The following ACE variants were observed in gnomAD, a reference collection of about 807,000 sequenced individuals.
ACE encodes angiotensin-converting enzyme.
A neutral mutation model predicts 162.3 loss-of-function variants in ACE; 122 were observed. The ratio of observed to expected loss-of-function variants is 0.75; its 90% CI spans 0.65 to 0.87. The LOEUF is 0.87. ACE is among the 40% of genes least tolerant of loss of function. The probability of loss-of-function intolerance (pLI) is 0.00; values close to 1 mark genes in which losing one functional copy is unlikely to be tolerated. For synonymous variants in ACE, 796 were observed against 720.6 expected (o/e 1.10, Z -1.68); for missense variants, 1,799 against 1,735.1 (o/e 1.04, Z -0.65).
Position 63,483,567 on chromosome 17 carries a change from G to GCGGGGGGGGCCCCCC in ACE, c.1586+10_1586+11insGGGGGGGGCCCCCCC. ...GTGACACCATACATCAGGTATTAGC[G>GCGGGGGGGGCCCCCC]CCCCCACCCCACCCACCCCCAGTAC... is the stretch of plus-strand genomic sequence containing the variant. On this transcript the variant is annotated intron_variant, in intron 10 of 24. Coordinates refer to ENST00000290866, the MANE Select transcript of ACE (RefSeq NM_000789.4). The GCGGGGGGGGCCCCCC allele has an allele frequency of 1.9e-6, 3 of 1,589,428 alleles. No homozygotes were observed. Among genetic ancestry groups the GCGGGGGGGGCCCCCC allele is most frequent in the East Asian group, 2.3e-5 (1 of 44,222 alleles).
At chr17:63,481,791 G>A in intron 7 of ACE, 53 bp downstream of exon 7, 1 of 1,611,990 alleles carries the variant, frequency 6.2e-7, no homozygotes, top group Non-Finnish European at 8.5e-7. Context: ...GGGGCCCGGG[G>A]AAAGGCAGGC....
At chr17:63,494,174 A>G (rs1423977686) in intron 21 of ACE, 108 bp downstream of exon 21, 9 of 1,445,502 alleles carry the variant, frequency 6.2e-6, no homozygotes, top group Admixed American at 3.7e-5. Context: ...GTGTGTGTAC[A>G]CTATTGTGTC....
Position 63,497,005 on chromosome 17 carries a change from C to A in ACE, c.3691+20C>A. ...ACTCCGGTACCGCCACCCACCCCACCTCCAGCCTTGGGTCTTAACCCCCTC... is the reference window on the plus strand; with the variant it reads ...ACTCCGGTACCGCCACCCACCCCACATCCAGCCTTGGGTCTTAACCCCCTC... On this transcript the variant is annotated intron_variant, in intron 24 of 24. Transcript: ENST00000290866. 1.2e-6 allele frequency: 2 copies of A among 1,602,170 alleles called. No homozygotes were observed. The highest frequency in any genetic ancestry group is 2.3e-5 in the East Asian group (1 of 44,312).
intron 21 of ACE, 108 bp from the exon 22 acceptor site, chr17:63,494,264 G>A (rs1568047141): frequency 6.2e-6 from 8 of 1,282,106 alleles, no homozygotes; most frequent in Non-Finnish European, 7.8e-6. Context: ...AGGAGAATGG[G>A]GTGCCCAGTA....
chr17:63,481,843 C>T, intron 7 of ACE, 105 bp downstream of exon 7: 1 of 1,458,376 alleles, frequency 6.9e-7, no homozygotes, highest in Admixed American at 1.7e-5. Flanking sequence ...CTGCCTCTAC[C>T]CTACCCCAGC....
rs372391259 is a variant in ACE, at chr17:63,488,840, C to T, written c.2449+49C>T. ...CTGGCACTTGGGTCCCTTCATTTTC[C>T]TCAAAGAGGTGCTGTGAAACCCCAA... On this transcript the variant is annotated intron_variant, in intron 16 of 24. Coordinates refer to ENST00000290866, the MANE Select transcript of ACE (RefSeq NM_000789.4). 5.0e-5 allele frequency: 81 copies of T among 1,614,018 alleles called. No individual in the cohort carries two copies. The African/African-American group carries it at 1.0e-3, about 20-fold the overall frequency.
rs4309 is a variant in ACE, at chr17:63,482,562, C to T, written c.1215C>T (p.Pro405=). The T allele has an allele frequency of 0.43, 695,201 of 1,613,878 alleles. 155,262 individuals carry two copies. Among genetic ancestry groups the T allele is most frequent in the East Asian group, 0.62 (27,593 of 44,842 alleles). The change falls in exon 8 of 25, where the codon CCC becomes CCT. Residue 405 remains proline (P), a synonymous_variant. Transcript: ENST00000290866. ...IQYYLQYKDL[P]VSLRRGANPG... is the part of the protein sequence containing the mutation. Reference sequence around the variant, plus strand: ...ACTACCTGCAGTACAAGGATCTGCCCGTCTCCCTGCGTCGGGGGGCCAACC... The same window carrying T: ...ACTACCTGCAGTACAAGGATCTGCCTGTCTCCCTGCGTCGGGGGGCCAACC...
intron 4 of ACE, 35 bp downstream of exon 4, chr17:63,479,947 AG>A: frequency 6.3e-7 from 1 of 1,587,972 alleles, no homozygotes; most frequent in Non-Finnish European, 8.5e-7. Context: ...GAACCACGCC[AG>A]GTGTCCTCTC....
chr17:63,490,942 A>G lies in ACE; in HGVS notation c.2642-12A>G, dbSNP rs1158794540. 6.2e-7 allele frequency: 1 copy of G among 1,613,658 alleles called. No individual in the cohort carries two copies. The highest frequency in any genetic ancestry group is 1.7e-5 in the Admixed American group (1 of 60,008). On this transcript the variant is annotated splice_polypyrimidine_tract_variant and intron_variant, in intron 17 of 24. Coordinates refer to ENST00000290866, the MANE Select transcript of ACE (RefSeq NM_000789.4). Reference sequence around the variant, plus strand: ...CTTTCCTCTCTCTGCCGTCCCCCACACTCGCCTCCAGGGAACATGTGGGCG... The same window carrying G: ...CTTTCCTCTCTCTGCCGTCCCCCACGCTCGCCTCCAGGGAACATGTGGGCG...
At chr17:63,487,245 C>T (rs773367520) in intron 15 of ACE, among the ~76,000 whole-genome samples, 172 bp downstream of exon 15, 3 of 152,124 alleles carry the variant, frequency 2.0e-5, no homozygotes, top group Non-Finnish European at 4.4e-5. Flanking sequence ...CACTGAGAGC[C>T]GGCACCTACT....
At position 63,497,341 on chromosome 17, in the gene ACE, C is replaced by T. The variant is rs1394448757; in HGVS notation, c.3896C>T (p.Ser1299Phe). 1 of 1,548,658 alleles carries T rather than the reference C, an allele frequency of 6.5e-7. No homozygotes were observed. The highest frequency in any genetic ancestry group is 8.7e-7 in the Non-Finnish European group (1 of 1,146,960). The change falls in exon 25 of 25, where the codon TCC (serine) becomes TTC (phenylalanine). Residue 1299 changes from serine to phenylalanine, a missense_variant. By Grantham distance (155) the Ser-to-Phe change is radical (BLOSUM62 -2). Transcript: ENST00000290866. The part of the protein sequence containing the change: ...HRHSHGPQFG[S>F]EVELRHS Reference sequence around the variant, plus strand: ...CACTCCCACGGGCCCCAGTTCGGCTCCGAGGTGGAGCTGAGACACTCCTGA... The same window carrying T: ...CACTCCCACGGGCCCCAGTTCGGCTTCGAGGTGGAGCTGAGACACTCCTGA...
chr17:63,479,698 G>A lies in ACE; in HGVS notation c.512-71G>A. 3.1e-6 allele frequency: 5 copies of A among 1,595,318 alleles called. No homozygotes were observed. The South Asian group carries it at 5.5e-5, about 18-fold the overall frequency. ...GGTGGGAGCAGTAAGGACTGGTGCA[G>A]GCTCTGGTGAAGGCCGTTGAAGACT... is the stretch of plus-strand genomic sequence containing the variant. On this transcript the variant is annotated intron_variant, in intron 3 of 24. Transcript: ENST00000290866.
In ACE at chr17:63,486,585, A is replaced by T. The variant is rs2029954191; in HGVS notation, c.2087A>T (p.His696Leu). Residue 696 changes from histidine (H) to leucine (L), a missense_variant, in exon 14 of 25, where the codon CAC becomes CTC. His to Leu is a moderately conservative substitution (Grantham distance 99). Coordinates refer to ENST00000290866, the MANE Select transcript of ACE (RefSeq NM_000789.4). Reference protein sequence around the residue: ...LLQKNMQIANHTLKYGTQARK... With the variant: ...LLQKNMQIANLTLKYGTQARK... ...CAGAAGAACATGCAAATAGCCAACC[A>T]CACCCTGAAGTACGGCACCCAGGCC... is the stretch of plus-strand genomic sequence containing the variant. The T allele has an allele frequency of 6.2e-7, 1 of 1,614,168 alleles. No homozygotes were observed. Among genetic ancestry groups the T allele is most frequent in the Non-Finnish European group, 8.5e-7 (1 of 1,180,028 alleles).
chr17:63,497,295 C>T lies in ACE; in HGVS notation c.3850C>T (p.Arg1284Cys), dbSNP rs375527470. 6.7e-5 allele frequency: 104 copies of T among 1,551,758 alleles called. No homozygotes were observed. In the African/African-American group the frequency reaches 1.1e-3, roughly 16 times the overall value. Residue 1284 changes from arginine (R) to cysteine (C), a missense_variant, in exon 25 of 25, where the codon CGC (arginine) becomes TGC (cysteine). Physicochemically the swap from Arg to Cys is radical, Grantham distance 180 (BLOSUM62 -3). Coordinates refer to ENST00000290866, the MANE Select transcript of ACE (RefSeq NM_000789.4). ...LGLSQRLFSI[R>C]HRSLHRHSHG... ...CCTCAGCCAGCGGCTCTTCAGCATC[C>T]GCCACCGCAGCCTCCACCGGCACTC...
At chr17:63,486,333 C>A (rs1272805685) in intron 13 of ACE, 1 of 602,580 alleles carries the variant, frequency 1.7e-6, no homozygotes, top group South Asian at 1.9e-5. Context: ...TCTGCCCCTG[C>A]CTGGATATGT....
chr17:63,484,106 C>T lies in ACE; in HGVS notation c.1709+135C>T. On this transcript the variant is annotated intron_variant, in intron 11 of 24. Coordinates refer to ENST00000290866, the MANE Select transcript of ACE (RefSeq NM_000789.4). This position sits in a 1 kb window ranked among gnomAD's most constrained non-coding sequence, Gnocchi z 4.0. ...GCTGGACTGATGTGGATGCCTGTCT[C>T]CTCGCTATGTCATCAAATATTTATT... The T allele has an allele frequency of 7.0e-7, 1 of 1,418,866 alleles. No homozygotes were observed. Among genetic ancestry groups the T allele is most frequent in the Non-Finnish European group, 9.5e-7 (1 of 1,053,420 alleles). 87.9% of individuals were successfully genotyped at this position (1,418,866 alleles called of 1,614,324 possible). A position where few individuals can be genotyped will look rare whatever the true frequency, so the allele number is the denominator to read the frequency against.
chr17:63,477,311 A>T lies in ACE; in HGVS notation c.217A>T (p.Thr73Ser). 1.4e-6 allele frequency: 2 copies of T among 1,388,196 alleles called. No homozygotes were observed. Among genetic ancestry groups the T allele is most frequent in the Non-Finnish European group, 1.9e-6 (2 of 1,059,760 alleles). The allele number at this position is 1,388,196 out of a possible 1,614,324, so 86.0% of individuals were successfully genotyped here. Residue 73 changes from threonine (T) to serine (S), a missense_variant, in exon 1 of 25, where the codon ACC becomes TCC. Transcript: ENST00000290866. ...QSVAASWAHDTNITAENARRQ... is the reference protein window; with the variant it reads ...QSVAASWAHDSNITAENARRQ... ...CGTGGCCGCCAGCTGGGCGCACGAC[A>T]CCAACATCACCGCGGAGAATGCAAG...
chr17:63,489,794 GA>G (rs2030247999), intron 17 of ACE: 1 of 155,866 alleles, frequency 6.4e-6, no homozygotes, highest in South Asian at 1.9e-4. Context: ...AGACCATTTA[GA>G]AACTATAAGG....
In ACE at chr17:63,488,734, A is replaced by T; in HGVS notation, c.2392A>T (p.Ile798Phe). 6.2e-7 allele frequency: 1 copy of T among 1,613,760 alleles called. No individual in the cohort carries two copies. Among genetic ancestry groups the T allele is most frequent in the Non-Finnish European group, 8.5e-7 (1 of 1,179,960 alleles). ...CTGGCGAGACAAGGCGGGGAGAGCC[A>T]TCCTCCAGTTTTACCCGAAATACGT... ...EGWRDKAGRAILQFYPKYVEL... is the reference protein window; with the variant it reads ...EGWRDKAGRAFLQFYPKYVEL... Residue 798 changes from isoleucine to phenylalanine, a missense_variant, in exon 16 of 25, where the codon ATC (isoleucine) becomes TTC (phenylalanine). Ile to Phe is a conservative substitution (Grantham distance 21). Transcript: ENST00000290866.
Sources: gnomAD v4.1 joint callset for allele counts (sites outside exome capture counted in the v4.1 genomes callset) on GRCh38, gnomAD v4.1.1 for gene constraint, Gnocchi (gnomAD v3.1) non-coding constraint, MANE v1.5 for transcripts, NCBI Gene and HGNC (gene_info 2026-07-23, HGNC 2026-07-21) for gene names.